Variants in PDE8B observed in about 807,000 individuals in gnomAD.
PDE8B encodes the protein phosphodiesterase 8B.
A neutral mutation model predicts 101.3 loss-of-function variants in PDE8B; 26 were observed. The ratio of observed to expected loss-of-function variants is 0.26; its 90% CI spans 0.19 to 0.36. The LOEUF (loss-of-function observed/expected upper bound fraction) is 0.36, where lower values mean the gene tolerates loss of function less well. Ranked by LOEUF, PDE8B falls within the 10% of genes least tolerant of loss-of-function variation. The pLI, the probability that PDE8B is intolerant of heterozygous loss-of-function variation, is 1.00. For missense variants in PDE8B, 810 were observed against 1,163.1 expected (o/e 0.70, Z 4.42); for synonymous variants, 424 against 429.3 (o/e 0.99, Z 0.15).
intron 2 of PDE8B, among the ~76,000 whole-genome samples, chr5:77,324,782 A>G (rs1332978490): frequency 2.0e-5 from 3 of 152,234 alleles, no homozygotes; most frequent in African/African-American, 7.2e-5. Context: ...TTAAAGGCAA[A>G]TACCACTTGC....
At chr5:77,224,767 G>A (rs1751952920) in intron 1 of PDE8B, among the ~76,000 whole-genome samples, 1 of 152,150 alleles carries the variant, frequency 6.6e-6, no homozygotes, top group Non-Finnish European at 1.5e-5. Flanking sequence ...TCATCTGTGA[G>A]TTCCCTTTCC....
At chr5:77,187,851 C>A in the PDE8B span, among the ~76,000 whole-genome samples, 1 of 152,152 alleles carries the variant, frequency 6.6e-6, no homozygotes, top group Non-Finnish European at 1.5e-5. Context: ...ACGTGGCCAG[C>A]CAATATTCTC....
At chr5:77,177,053 T>C in the PDE8B span, among the ~76,000 whole-genome samples, 1 of 152,162 alleles carries the variant, frequency 6.6e-6, no homozygotes, top group Non-Finnish European at 1.5e-5. Flanking sequence ...TCTTTCTTCT[T>C]CCTTTTTCTC....
At chr5:77,125,847 G>T in the PDE8B span, among the ~76,000 whole-genome samples, 1 of 152,160 alleles carries the variant, frequency 6.6e-6, no homozygotes, top group African/African-American at 2.4e-5. Context: ...CAGAGTTTCA[G>T]TTTAGGGTGA....
intron 2 of PDE8B, among the ~76,000 whole-genome samples, chr5:77,320,327 C>G (rs1384511145): frequency 6.6e-6 from 1 of 152,206 alleles, no homozygotes; most frequent in Non-Finnish European, 1.5e-5. Context: ...TAGCTATGTT[C>G]TGACTACGGA....
intron 11 of PDE8B, among the ~76,000 whole-genome samples, chr5:77,403,888 A>G (rs1237304008): frequency 6.6e-6 from 1 of 151,570 alleles, no homozygotes; most frequent in East Asian, 2.0e-4. Context: ...GCACAATCTC[A>G]GCTCACTGCA....
intron 1 of PDE8B, among the ~76,000 whole-genome samples, chr5:77,229,047 G>T (rs1274386206): frequency 6.6e-6 from 1 of 152,038 alleles, no homozygotes; most frequent in Non-Finnish European, 1.5e-5. Context: ...GTTGACAGAG[G>T]GAAAGGAAAG....
intron 1 of PDE8B, among the ~76,000 whole-genome samples, chr5:77,288,054 A>T (rs1273735686): frequency 1.3e-5 from 2 of 152,186 alleles, no homozygotes; most frequent in Non-Finnish European, 2.9e-5. Flanking sequence ...ATTCCCGCAG[A>T]CAGAATTTAG....
intron 11 of PDE8B, among the ~76,000 whole-genome samples, chr5:77,400,870 A>AG (rs75897490): frequency 0.37 from 56,914 of 151,926 alleles, 11,318 homozygotes; most frequent in East Asian, 0.68. Flanking sequence ...TGACCATTAG[A>AG]GGGAAAAAAA....
chr5:77,414,153 A>G (rs1795070516), intron 17 of PDE8B, among the ~76,000 whole-genome samples: 1 of 152,200 alleles, frequency 6.6e-6, no homozygotes, highest in African/African-American at 2.4e-5. Context: ...TAAGAGCTAT[A>G]GTGAGACAGG....
rs772985826 is a variant in PDE8B, at chr5:77,309,941, A to ACCTTTTTTTTTTTTTTTT, written c.340-2053_340-2052insCCTTTTTTTTTTTTTTTT. Reference sequence around the variant, plus strand: ...AACTGGTTTCCCTTTTTAATCATTAATCTTTTTTTTTTTTTTTTTTTTTTT... The same window carrying ACCTTTTTTTTTTTTTTTT: ...AACTGGTTTCCCTTTTTAATCATTAACCTTTTTTTTTTTTTTTTTCTTTTTTTTTTTTTTTTTTTTTTT... On this transcript the variant is annotated intron_variant, in intron 1 of 21. Transcript: ENST00000264917. Among the ~76,000 whole-genome samples the ACCTTTTTTTTTTTTTTTT allele has an allele frequency of 1.1e-4, 9 of 83,118 alleles. 4 individuals carry two copies. The highest frequency in any genetic ancestry group is 1.1e-4 in the Non-Finnish European group (5 of 46,546). The allele number at this position is 83,118 out of a possible 152,430, so 54.5% of individuals were successfully genotyped here. A position where few individuals can be genotyped will look rare whatever the true frequency, so the allele number is the denominator to read the frequency against.
At chr5:77,250,535 G>A (rs1231329434) in intron 1 of PDE8B, among the ~76,000 whole-genome samples, 1 of 152,184 alleles carries the variant, frequency 6.6e-6, no homozygotes, top group East Asian at 1.9e-4. Flanking sequence ...GTTCTGGGGT[G>A]CCTTCCCTTC....
At chr5:77,205,835 T>C (rs1747459842), upstream of PDE8B, among the ~76,000 whole-genome samples, 3 of 152,200 alleles carry the variant, frequency 2.0e-5, no homozygotes, top group South Asian at 6.2e-4. Context: ...TGTTAGGTTT[T>C]ATATTACTAT....
At chr5:77,388,212 AT>A (rs1385848563) in intron 10 of PDE8B, among the ~76,000 whole-genome samples, 1 of 152,034 alleles carries the variant, frequency 6.6e-6, no homozygotes, top group Non-Finnish European at 1.5e-5. Context: ...ATCTTCATGT[AT>A]TTATCTACCT....
chr5:77,369,396 C>T (rs10061629), intron 10 of PDE8B, among the ~76,000 whole-genome samples: 127,407 of 151,778 alleles, frequency 0.84, 53,936 homozygotes, highest in African/African-American at 0.95. Flanking sequence ...GAGCCCTGAG[C>T]GAAGGTTTCT....
At chr5:77,422,137 T>C (rs1403014978) in intron 20 of PDE8B, 149 bp downstream of exon 20, 5 of 852,018 alleles carry the variant, frequency 5.9e-6, no homozygotes, top group Non-Finnish European at 9.6e-6. Context: ...CCACCTGGGG[T>C]AGGCTTCTGG....
intron 10 of PDE8B, among the ~76,000 whole-genome samples, chr5:77,390,952 T>C (rs1216963058): frequency 6.6e-6 from 1 of 152,202 alleles, no homozygotes; most frequent in Non-Finnish European, 1.5e-5. Context: ...AAGAGTGCCA[T>C]CATGATTAGA....
intron 10 of PDE8B, among the ~76,000 whole-genome samples, chr5:77,365,094 C>G (rs891976788): frequency 6.6e-6 from 1 of 152,196 alleles, no homozygotes; most frequent in East Asian, 1.9e-4. Flanking sequence ...TGCTAGGGAA[C>G]AGCAGCTCCT....
chr5:77,113,977 G>T, the PDE8B span: 1 of 152,200 alleles, frequency 6.6e-6, no homozygotes, highest in African/African-American at 2.4e-5. Context: ...CATCACACCA[G>T]TTAGAATGGC....
Sources: allele counts gnomAD v4.1 joint callset (sites outside exome capture counted in the v4.1 genomes callset), GRCh38; gene constraint gnomAD v4.1.1; transcripts MANE v1.5; gene names NCBI Gene and HGNC (gene_info 2026-07-23, HGNC 2026-07-21).